The following PCYOX1 variants were observed in gnomAD, a reference collection of about 807,000 sequenced individuals.
The protein encoded by PCYOX1 is prenylcysteine oxidase 1.
In PCYOX1, 46 loss-of-function variants were observed where a neutral mutation model predicts 46.4. The ratio of observed to expected loss-of-function variants is 0.99; its 90% CI spans 0.78 to 1.27. PCYOX1 has a LOEUF of 1.27. Among genes scored for constraint, PCYOX1 ranks in the 50% most tolerant of loss-of-function variants. PCYOX1 has a pLI of 0.00. For missense variants in PCYOX1, 658 were observed against 628.3 expected (o/e 1.05, Z -0.51); for synonymous variants, 220 against 231.8 (o/e 0.95, Z 0.46).
At chr2:70,270,425 A>G (rs993138418) in intron 3 of PCYOX1, among the ~76,000 whole-genome samples, 2 of 152,184 alleles carry the variant, frequency 1.3e-5, no homozygotes, top group African/African-American at 4.8e-5. Context: ...AGATTTCCAG[A>G]GGTCCTTCCT....
rs1185836185 is a variant in PCYOX1 at position 70,275,552 on chromosome 2, G to T, written c.745G>T (p.Ala249Ser). The change falls in exon 5 of 6, where the codon GCA becomes TCA. Residue 249 changes from alanine to serine, a missense_variant. By Grantham distance (99) the Ala-to-Ser change is moderately conservative. Transcript: ENST00000433351. The part of the protein sequence containing the change: ...SLSCSDSGLW[A>S]VEGGNKLVCS... ...GTCCTGTTCTGATTCTGGCCTTTGGGCAGTAGAAGGTGGCAATAAACTTGT... is the reference window on the plus strand; with the variant it reads ...GTCCTGTTCTGATTCTGGCCTTTGGTCAGTAGAAGGTGGCAATAAACTTGT... 4 of 1,613,986 alleles carry T rather than the reference G, an allele frequency of 2.5e-6. No individual in the cohort carries two copies. Among genetic ancestry groups the T allele is most frequent in the Non-Finnish European group, 3.4e-6 (4 of 1,179,996 alleles).
chr2:70,257,966 G>A (rs1696366021), upstream of PCYOX1: 2 of 445,094 alleles, frequency 4.5e-6, no homozygotes, highest in Non-Finnish European at 7.9e-6. Flanking sequence ...ATGTGCTTAG[G>A]GCACTGAGTG....
At chr2:70,276,628 C>T (rs766207944) in intron 5 of PCYOX1, 106 bp from the exon 6 acceptor site, 38 of 700,366 alleles carry the variant, frequency 5.4e-5, no homozygotes, top group Non-Finnish European at 7.4e-5. Context: ...GATATAACTT[C>T]TTCAATTCTT....
At chr2:70,262,479 T>TA (rs1422850990) in intron 3 of PCYOX1, among the ~76,000 whole-genome samples, 367 of 144,100 alleles carry the variant, frequency 2.5e-3, no homozygotes, top group Non-Finnish European at 3.1e-3. Context: ...ATGTGCTAAT[T>TA]TTTTTTTTTT....
In PCYOX1 at chr2:70,278,704, T is replaced by C. The variant is rs374195195; in HGVS notation, c.*1312T>C. The stretch of plus-strand genomic sequence containing the variant: ...ACCTTGGCTGCACATTGGAATCACC[T>C]GTAGGGTTTTAAAGCATCCAAATGG... On this transcript the variant is annotated 3_prime_UTR_variant, in exon 6 of 6. Transcript: ENST00000433351. 6.6e-6 allele frequency: 1 copy of C among 152,208 alleles called. No individual in the cohort carries two copies. Among genetic ancestry groups the C allele is most frequent in the South Asian group, 2.1e-4 (1 of 4,836 alleles). The allele number at this position is 152,208 out of a possible 1,614,324, so 9.4% of individuals were successfully genotyped here. A position where few individuals can be genotyped will look rare whatever the true frequency, so the allele number is the denominator to read the frequency against.
At chr2:70,271,284 A>G (rs1397255701) in intron 3 of PCYOX1, among the ~76,000 whole-genome samples, 3 of 150,038 alleles carry the variant, frequency 2.0e-5, no homozygotes, top group Non-Finnish European at 4.4e-5. Flanking sequence ...ACTGAAGAAA[A>G]AACACAGCAG....
intron 3 of PCYOX1, among the ~76,000 whole-genome samples, chr2:70,272,129 T>A (rs1300575545): frequency 6.7e-6 from 1 of 150,298 alleles, no homozygotes; most frequent in Non-Finnish European, 1.5e-5. Flanking sequence ...TTTTTAATTT[T>A]TTTTTTTTTT....
At position 70,264,190 on chromosome 2, in the gene PCYOX1, C is replaced by T. The variant is rs150267599; in HGVS notation, c.494+2804C>T. Among the ~76,000 whole-genome samples, 1,007 of 151,684 alleles carry T rather than the reference C, an allele frequency of 6.6e-3. 13 individuals carry two copies. Among genetic ancestry groups the T allele is most frequent in the African/African-American group, 0.022 (914 of 41,358 alleles). On this transcript the variant is annotated intron_variant, in intron 3 of 5. Coordinates refer to ENST00000433351, the MANE Select transcript of PCYOX1 (RefSeq NM_016297.4). ...ATGTTGCCCAGGCTGGTCTTGAATT[C>T]CTGGGCTCGAGTGTTCCACTCACCT...
chr2:70,266,741 T>G (rs896088437), intron 3 of PCYOX1, among the ~76,000 whole-genome samples: 2 of 152,122 alleles, frequency 1.3e-5, no homozygotes, highest in Non-Finnish European at 2.9e-5. Context: ...ATTTAACCCT[T>G]AGTGGACACA....
chr2:70,259,317 G>C, intron 1 of PCYOX1, 43 bp from the exon 2 acceptor site: 3 of 1,546,604 alleles, frequency 1.9e-6, no homozygotes. Flanking sequence ...TCACAGAGCT[G>C]GTAAAAGGGG....
intron 3 of PCYOX1, among the ~76,000 whole-genome samples, chr2:70,265,655 TA>T (rs1200979671): frequency 6.6e-6 from 1 of 152,224 alleles, no homozygotes; most frequent in Non-Finnish European, 1.5e-5. Context: ...TAGAATGTAG[TA>T]GATGTTTACT....
intron 3 of PCYOX1, among the ~76,000 whole-genome samples, chr2:70,263,733 T>C (rs76409926): frequency 0.082 from 12,340 of 149,876 alleles, 523 homozygotes; most frequent in East Asian, 0.18. Flanking sequence ...GATCTCGGCT[T>C]ACTGCAACAT....
chr2:70,276,842 A>G lies in PCYOX1; in HGVS notation c.968A>G (p.Asn323Ser). The G allele has an allele frequency of 6.2e-7, 1 of 1,613,610 alleles. No individual in the cohort carries two copies. The highest frequency in any genetic ancestry group is 1.1e-5 in the South Asian group (1 of 91,060). The part of the protein sequence containing the change: ...VATPLNRKMS[N>S]ITFLNFDPPI... Reference sequence around the variant, plus strand: ...ACTCCGTTGAATCGAAAAATGTCGAATATTACTTTTCTCAACTTTGATCCT... The same window carrying G: ...ACTCCGTTGAATCGAAAAATGTCGAGTATTACTTTTCTCAACTTTGATCCT... Residue 323 changes from asparagine (N) to serine (S), a missense_variant, in exon 6 of 6, where the codon AAT becomes AGT. Physicochemically the swap from Asn to Ser is conservative, Grantham distance 46. Coordinates refer to ENST00000433351, the MANE Select transcript of PCYOX1 (RefSeq NM_016297.4).
rs767797442 is a variant in PCYOX1, at chr2:70,275,092, G to C, written c.628G>C (p.Glu210Gln). The change falls in exon 4 of 6, where the codon GAG (glutamate) becomes CAG (glutamine). Residue 210 changes from glutamate (E) to glutamine (Q), a missense_variant. Coordinates refer to ENST00000433351, the MANE Select transcript of PCYOX1 (RefSeq NM_016297.4). ...AACCTTGCAAAAGGCCGGCTTTTCT[G>C]AGAAGTTCCTCAATGAAATGATTGC... Reference protein sequence around the residue: ...LETLQKAGFSEKFLNEMIAPV... With the variant: ...LETLQKAGFSQKFLNEMIAPV... 6.2e-7 allele frequency: 1 copy of C among 1,614,186 alleles called. No homozygotes were observed. Among genetic ancestry groups the C allele is most frequent in the Non-Finnish European group, 8.5e-7 (1 of 1,180,006 alleles).
chr2:70,258,019 G>C (rs1573974750), upstream of PCYOX1: 4 of 544,776 alleles, frequency 7.3e-6, no homozygotes, highest in East Asian at 1.5e-4. Context: ...GGACCGGCGG[G>C]GCGAGGTCGG....
At position 70,280,232 on chromosome 2, in the gene PCYOX1, T is replaced by TTGAG. The variant is rs1559039605; in HGVS notation, c.*2843_*2846dup. The stretch of plus-strand genomic sequence containing the variant: ...AAGTAGTTTTAATGCAACTACAGTG[T>TTGAG]TGAGTGCTTTTTTACTGGGAGAAAA... On this transcript the variant is annotated 3_prime_UTR_variant, in exon 6 of 6. Coordinates refer to ENST00000433351, the MANE Select transcript of PCYOX1 (RefSeq NM_016297.4). 6.6e-6 allele frequency: 1 copy of TTGAG among 152,196 alleles called. No individual in the cohort carries two copies. 9.4% of individuals were successfully genotyped at this position (152,196 alleles called of 1,614,324 possible).
intron 3 of PCYOX1, among the ~76,000 whole-genome samples, chr2:70,262,088 A>G (rs1696448305): frequency 2.6e-5 from 4 of 152,216 alleles, no homozygotes; most frequent in Admixed American, 6.5e-5. Context: ...CAGGAAGACT[A>G]ACATAAAATA....
Position 70,275,101 on chromosome 2 carries a change from C to G in PCYOX1, c.637C>G (p.Leu213Val). ...AAAGGCCGGCTTTTCTGAGAAGTTCCTCAATGAAATGATTGCTCCTGTTAT... is the reference window on the plus strand; with the variant it reads ...AAAGGCCGGCTTTTCTGAGAAGTTCGTCAATGAAATGATTGCTCCTGTTAT... ...LQKAGFSEKF[L>V]NEMIAPVMRV... The change falls in exon 4 of 6, where the codon CTC becomes GTC. Residue 213 changes from leucine (L) to valine (V), a missense_variant. Leu to Val is a conservative substitution (Grantham distance 32). Transcript: ENST00000433351. The G allele has an allele frequency of 1.2e-6, 2 of 1,614,138 alleles. No homozygotes were observed. The highest frequency in any genetic ancestry group is 1.1e-5 in the South Asian group (1 of 91,086).
At chr2:70,276,583 A>G (rs1339115959) in intron 5 of PCYOX1, 151 bp from the exon 6 acceptor site, 13 of 554,278 alleles carry the variant, frequency 2.3e-5, no homozygotes, top group African/African-American at 3.9e-5. Flanking sequence ...ATTGGCCTCA[A>G]TGTAATAAAA....
Sources: allele counts gnomAD v4.1 joint callset (sites outside exome capture counted in the v4.1 genomes callset), GRCh38; gene constraint gnomAD v4.1.1; transcripts MANE v1.5; gene names NCBI Gene and HGNC (gene_info 2026-07-23, HGNC 2026-07-21).